The following SSBP3 variants were observed in gnomAD, a reference collection of about 807,000 sequenced individuals.
The protein encoded by SSBP3 is single stranded DNA binding protein 3.
In SSBP3, 5 loss-of-function variants were observed where a neutral mutation model predicts 69.6. The observed-to-expected ratio is 0.07, with a 90% CI of 0.04 to 0.15. The LOEUF is 0.15. Ranked by LOEUF, SSBP3 falls within the 10% of genes least tolerant of loss-of-function variation. The pLI is 1.00. For missense variants in SSBP3, 312 were observed against 534.0 expected (o/e 0.58, Z 4.10); for synonymous variants, 196 against 193.4 (o/e 1.01, Z -0.11).
rs539570836 is a variant in SSBP3, at chr1:54,354,430, G to GGA, written c.276+47429_276+47430dup. Among the ~76,000 whole-genome samples the GGA allele has an allele frequency of 3.2e-3, 481 of 152,320 alleles. 3 individuals carry two copies. Among genetic ancestry groups the GGA allele is most frequent in the African/African-American group, 0.011 (453 of 41,574 alleles). ...CTGAACGGCAAACCCGAGAACTACA[G>GGA]GAGAGACACGAGGCAGTGGGTGAAG... is the stretch of plus-strand genomic sequence containing the variant. On this transcript the variant is annotated intron_variant, in intron 4 of 17. Transcript: ENST00000610401.
intron 4 of SSBP3, among the ~76,000 whole-genome samples, chr1:54,321,523 A>C (rs1385188753): frequency 6.6e-6 from 1 of 152,250 alleles, no homozygotes; most frequent in East Asian, 1.9e-4. Flanking sequence ...CTTCTAGGTG[A>C]GTCTGCACAA....
At chr1:54,252,783 T>C (rs1644852767) in intron 7 of SSBP3, among the ~76,000 whole-genome samples, 1 of 152,222 alleles carries the variant, frequency 6.6e-6, no homozygotes, top group Admixed American at 6.5e-5. Context: ...GAAGTTTGCT[T>C]CTAGGACCTC....
intron 5 of SSBP3, among the ~76,000 whole-genome samples, chr1:54,279,555 G>A (rs192221482): frequency 2.6e-5 from 4 of 152,298 alleles, no homozygotes; most frequent in Non-Finnish European, 4.4e-5. Flanking sequence ...CCCAGATGCC[G>A]GCAAGCAGCC....
At position 54,367,006 on chromosome 1, in the gene SSBP3, G is replaced by A. The variant is rs533121941; in HGVS notation, c.276+34855C>T. ...AATCCCTCGTGCTGGAAAGGGAACT[G>A]TGCTATTATTTACCCTGCGGGTTCT... On this transcript the variant is annotated intron_variant, in intron 4 of 17. Coordinates refer to ENST00000610401, the Ensembl canonical transcript of SSBP3. Among the ~76,000 whole-genome samples the A allele has an allele frequency of 6.6e-5, 10 of 152,270 alleles. No homozygotes were observed. In the South Asian group the frequency reaches 2.1e-3, roughly 32 times the overall value.
chr1:54,399,079 C>G (rs968031791), intron 4 of SSBP3, among the ~76,000 whole-genome samples: 2 of 152,254 alleles, frequency 1.3e-5, no homozygotes, highest in African/African-American at 4.8e-5. Flanking sequence ...CACTCACCCG[C>G]AAGTGACTTA....
intron 14 of SSBP3, among the ~76,000 whole-genome samples, chr1:54,229,154 T>A (rs566549791): frequency 2.0e-5 from 3 of 151,710 alleles, no homozygotes; most frequent in Non-Finnish European, 4.4e-5. Context: ...GTGTGGAGAG[T>A]GTGGTTCCCC....
At chr1:54,398,480 G>A (rs1390467358) in intron 4 of SSBP3, among the ~76,000 whole-genome samples, 1 of 152,178 alleles carries the variant, frequency 6.6e-6, no homozygotes, top group East Asian at 1.9e-4. Context: ...TTCCCTGCAG[G>A]TCCACCCTGG....
At chr1:54,399,886 C>T (rs1649170343) in intron 4 of SSBP3, among the ~76,000 whole-genome samples, 1 of 152,178 alleles carries the variant, frequency 6.6e-6, no homozygotes, top group South Asian at 2.1e-4. Context: ...TCATAATCCC[C>T]ATTCATCACT....
intron 4 of SSBP3, among the ~76,000 whole-genome samples, chr1:54,376,177 T>C (rs2100700657): frequency 6.6e-6 from 1 of 151,356 alleles, no homozygotes; most frequent in African/African-American, 2.4e-5. Flanking sequence ...TTCACTCGTG[T>C]GCGTGCATGC....
chr1:54,351,654 G>A (rs987210260), intron 4 of SSBP3, among the ~76,000 whole-genome samples: 6 of 152,274 alleles, frequency 3.9e-5, no homozygotes, highest in Middle Eastern at 6.8e-3. Flanking sequence ...TTCCTCTGGC[G>A]TGTGGGATAT....
intron 4 of SSBP3, among the ~76,000 whole-genome samples, chr1:54,308,543 G>A (rs1417491008): frequency 6.7e-6 from 1 of 149,530 alleles, no homozygotes; most frequent in Non-Finnish European, 1.5e-5. Flanking sequence ...GGAGCTTGCA[G>A]TGAGCCAAGA....
At chr1:54,354,450 G>C (rs3855974) in intron 4 of SSBP3, among the ~76,000 whole-genome samples, 1 of 152,314 alleles carries the variant, frequency 6.6e-6, no homozygotes, top group Non-Finnish European at 1.5e-5. Context: ...GAGGCAGTGG[G>C]TGAAGTGGGG....
intron 1 of SSBP3, 126 bp downstream of exon 1, chr1:54,405,827 G>T: frequency 1.8e-6 from 1 of 567,460 alleles, no homozygotes; most frequent in East Asian, 1.2e-4. Context: ...GGCAGGCGGC[G>T]CCTGGACCCG....
chr1:54,348,682 C>T (rs1646730962), intron 4 of SSBP3, among the ~76,000 whole-genome samples: 1 of 152,242 alleles, frequency 6.6e-6, no homozygotes, highest in Non-Finnish European at 1.5e-5. Flanking sequence ...CGCTGCCTCA[C>T]CTGTGCCAGC....
intron 4 of SSBP3, among the ~76,000 whole-genome samples, chr1:54,401,090 T>C (rs1649256779): frequency 6.6e-6 from 1 of 152,176 alleles, no homozygotes; most frequent in African/African-American, 2.4e-5. Flanking sequence ...TCCTAACCCA[T>C]TTCATCAGAT....
At chr1:54,314,486 C>A (rs1425101652) in intron 4 of SSBP3, among the ~76,000 whole-genome samples, 2 of 152,192 alleles carry the variant, frequency 1.3e-5, no homozygotes, top group Non-Finnish European at 2.9e-5. Context: ...TGCAGTTTCA[C>A]CAACATTGGT....
intron 4 of SSBP3, among the ~76,000 whole-genome samples, chr1:54,355,505 T>C (rs1207433179): frequency 6.6e-6 from 1 of 152,142 alleles, no homozygotes; most frequent in Non-Finnish European, 1.5e-5. Context: ...CGTGCCACCA[T>C]GCGTGACTAA....
intron 4 of SSBP3, chr1:54,356,760 C>G (rs1646874743): frequency 6.6e-6 from 1 of 152,346 alleles, no homozygotes; most frequent in African/African-American, 2.4e-5. Context: ...CTCCAGCATT[C>G]TACCCACATA....
At chr1:54,272,831 C>T (rs1051170727) in intron 5 of SSBP3, among the ~76,000 whole-genome samples, 1 of 152,214 alleles carries the variant, frequency 6.6e-6, no homozygotes, top group South Asian at 2.1e-4. Context: ...ATGAGGTGAA[C>T]GCAGCTACTG....
Sources: gnomAD v4.1 joint callset for allele counts (sites outside exome capture counted in the v4.1 genomes callset) on GRCh38, gnomAD v4.1.1 for gene constraint, MANE v1.5 for transcripts, NCBI Gene and HGNC (gene_info 2026-07-23, HGNC 2026-07-21) for gene names.